Variants in BNIP2 observed in about 807,000 individuals in gnomAD.
The protein encoded by BNIP2 is BCL2/adenovirus E1B 19 kDa protein-interacting protein 2.
A neutral mutation model predicts 43.4 loss-of-function variants in BNIP2; 36 were observed. The observed-to-expected ratio is 0.83, with a 90% confidence interval of 0.64 to 1.10. BNIP2 has a LOEUF of 1.10. Among genes scored for constraint, BNIP2 ranks in the 50% least tolerant of loss-of-function variants. The pLI is 0.00. For missense variants in BNIP2, 417 were observed against 374.1 expected, an observed-to-expected ratio of 1.11 and a Z score of -0.95; for synonymous variants, 146 against 121.0, an observed-to-expected ratio of 1.21 and a Z score of -1.35.
chr15:59,687,454 T>G (rs1231944095), intron 1 of BNIP2, among the ~76,000 whole-genome samples: 1 of 151,508 alleles, frequency 6.6e-6, no homozygotes, highest in Non-Finnish European at 1.5e-5. Flanking sequence ...CAGGTTCAAG[T>G]GATTCTTGTG....
At chr15:59,684,535 A>G (rs1398157191) in intron 1 of BNIP2, among the ~76,000 whole-genome samples, 2 of 152,228 alleles carry the variant, frequency 1.3e-5, no homozygotes, top group East Asian at 3.8e-4. Flanking sequence ...AAATGGTGAA[A>G]ATACTTACTA....
chr15:59,660,029 A>G lies in BNIP2; in HGVS notation c.*4040T>C, dbSNP rs1892169839. 6.6e-6 allele frequency: 1 copy of G among 152,190 alleles called. No homozygotes were observed. The highest frequency in any genetic ancestry group is 2.4e-5 in the African/African-American group (1 of 41,452). The allele number at this position is 152,190 out of a possible 1,614,324, so 9.4% of individuals were successfully genotyped here. On this transcript the variant is annotated 3_prime_UTR_variant, in exon 10 of 10. Transcript: ENST00000607373. ...GTTCATTCAGAATTTCAAGAAGGGC[A>G]GAGGGGGATGCTTGCCAGGTAATTC...
chr15:59,688,477 C>T (rs1894161406), intron 1 of BNIP2: 1 of 436,926 alleles, frequency 2.3e-6, no homozygotes, highest in Non-Finnish European at 4.1e-6. Context: ...TATCTTGATG[C>T]AACACCGGAA....
intron 5 of BNIP2, chr15:59,677,064 T>G (rs1893348801): frequency 1.9e-6 from 3 of 1,611,184 alleles, no homozygotes; most frequent in Non-Finnish European, 2.5e-6. Context: ...GACTTCATCT[T>G]ATGCTTCAGG....
intron 1 of BNIP2, among the ~76,000 whole-genome samples, chr15:59,683,019 G>A (rs890684926): frequency 2.2e-4 from 34 of 152,282 alleles, no homozygotes; most frequent in African/African-American, 8.2e-4. Flanking sequence ...CACAATTCCT[G>A]AGCCACTTAA....
At chr15:59,687,044 G>T (rs1295208488) in intron 1 of BNIP2, among the ~76,000 whole-genome samples, 2 of 152,040 alleles carry the variant, frequency 1.3e-5, no homozygotes, top group Admixed American at 6.6e-5. Context: ...TAAAATAAAT[G>T]TTAACACAAA....
chr15:59,680,663 A>G (rs1428971718), intron 2 of BNIP2, among the ~76,000 whole-genome samples: 1 of 152,226 alleles, frequency 6.6e-6, no homozygotes, highest in African/African-American at 2.4e-5. Flanking sequence ...GACCTCCCTA[A>G]GTGTTGGGAT....
At chr15:59,680,380 A>T (rs1893591914) in intron 2 of BNIP2, 72 bp from the exon 3 acceptor site, 1 of 1,110,986 alleles carries the variant, frequency 9.0e-7, no homozygotes. Context: ...AATCTATTAA[A>T]CATACAGCTT....
rs1200565370 is a variant in BNIP2 at position 59,660,642 on chromosome 15, CT to C, written c.*3426del. ...CTCTATCAAAAAGCAGATCTCTTAC[CT>C]TTTTAAATTCTGGAATTACGGTTAA... On this transcript the variant is annotated 3_prime_UTR_variant, in exon 10 of 10. Coordinates refer to ENST00000607373, the MANE Select transcript of BNIP2 (RefSeq NM_004330.4). The C allele has an allele frequency of 1.3e-5, 2 of 152,110 alleles. No individual in the cohort carries two copies. The highest frequency in any genetic ancestry group is 4.8e-5 in the African/African-American group (2 of 41,406). The allele number at this position is 152,110 out of a possible 1,614,324, so 9.4% of individuals were successfully genotyped here.
At position 59,662,109 on chromosome 15, in the gene BNIP2, G is replaced by A. The variant is rs1161203523; in HGVS notation, c.*1960C>T. The A allele has an allele frequency of 1.3e-5, 2 of 152,154 alleles. No homozygotes were observed. Among genetic ancestry groups the A allele is most frequent in the Non-Finnish European group, 1.5e-5 (1 of 68,016 alleles). The allele number at this position is 152,154 out of a possible 1,614,324, so 9.4% of individuals were successfully genotyped here. On this transcript the variant is annotated 3_prime_UTR_variant, in exon 10 of 10. Coordinates refer to ENST00000607373, the MANE Select transcript of BNIP2 (RefSeq NM_004330.4). ...AAAAATCAAAATAATGCAAAAAAGA[G>A]TTGAAGTTATTCTTCATATTTTTTA...
At chr15:59,668,797 A>C in intron 9 of BNIP2, 95 bp downstream of exon 9, 3 of 1,145,756 alleles carry the variant, frequency 2.6e-6, no homozygotes, top group Middle Eastern at 2.1e-4. Flanking sequence ...CAGTTATAAA[A>C]TATAATACAT....
rs1892318040 is a variant in BNIP2, at chr15:59,662,251, G to T, written c.*1818C>A. 1 of 152,174 alleles carries T rather than the reference G, an allele frequency of 6.6e-6. No individual in the cohort carries two copies. The highest frequency in any genetic ancestry group is 1.5e-5 in the Non-Finnish European group (1 of 68,036). The allele number at this position is 152,174 out of a possible 1,614,324, so 9.4% of individuals were successfully genotyped here. A position where few individuals can be genotyped will look rare whatever the true frequency, so the allele number is the denominator to read the frequency against. ...CTACGTTAAATCGTCTACAAATATA[G>T]AATCTAATGACAAATTCAATATAAT... On this transcript the variant is annotated 3_prime_UTR_variant, in exon 10 of 10. Transcript: ENST00000607373.
At chr15:59,670,023 T>G (rs768722206) in intron 7 of BNIP2, among the ~76,000 whole-genome samples, 1 of 152,186 alleles carries the variant, frequency 6.6e-6, no homozygotes, top group African/African-American at 2.4e-5. Context: ...CACAGCAAGA[T>G]CAAACCAATC....
intron 9 of BNIP2, 95 bp from the exon 10 acceptor site, chr15:59,664,215 T>G (rs987016858): frequency 3.5e-5 from 26 of 748,188 alleles, no homozygotes; most frequent in Non-Finnish European, 5.0e-5. Flanking sequence ...ATTACTCTGT[T>G]AAAGACAAAG....
At chr15:59,688,602 T>C (rs746851138) in intron 1 of BNIP2, 5 of 1,124,644 alleles carry the variant, frequency 4.4e-6, no homozygotes, top group Non-Finnish European at 6.4e-6. Context: ...GGGTTGTGTC[T>C]AGATTCACGC....
chr15:59,677,288 G>A, intron 5 of BNIP2: 2 of 1,586,566 alleles, frequency 1.3e-6, no homozygotes, highest in South Asian at 2.2e-5. Flanking sequence ...AGGGGATCCT[G>A]GCACACCAGA....
intron 9 of BNIP2, among the ~76,000 whole-genome samples, 152 bp from the exon 10 acceptor site, chr15:59,664,272 T>C (rs1337408988): frequency 6.6e-6 from 1 of 152,078 alleles, no homozygotes; most frequent in African/African-American, 2.4e-5. Context: ...AAACATCATT[T>C]CCCCAACCAG....
At chr15:59,684,220 A>G (rs1232507771) in intron 1 of BNIP2, among the ~76,000 whole-genome samples, 4 of 152,240 alleles carry the variant, frequency 2.6e-5, no homozygotes, top group Admixed American at 6.5e-5. Context: ...AAAGGTTTCA[A>G]TGTTTGATGA....
chr15:59,665,453 T>TA (rs1416205315), intron 9 of BNIP2: 1 of 152,352 alleles, frequency 6.6e-6, no homozygotes, highest in African/African-American at 2.4e-5. Context: ...CTACAAAAAA[T>TA]ACAAAAATTA....
Sources: allele counts gnomAD v4.1 joint callset (sites outside exome capture counted in the v4.1 genomes callset), GRCh38; gene constraint gnomAD v4.1.1; transcripts MANE v1.5; gene names NCBI Gene and HGNC (gene_info 2026-07-23, HGNC 2026-07-21).